PSMD14: variants seen among roughly 807,000 people sequenced by gnomAD.
PSMD14 encodes ubiquitin C-terminal hydrolase PSMD14.
PSMD14 carries 7 observed loss-of-function variants against 41.2 expected under a neutral mutation model. The observed-to-expected ratio is 0.17, with a 90% CI of 0.10 to 0.32. The LOEUF is 0.32. Among genes scored for constraint, PSMD14 ranks in the 10% least tolerant of loss-of-function variants. The probability of loss-of-function intolerance (pLI) is 1.00; values close to 1 mark genes in which losing one functional copy is unlikely to be tolerated. For missense variants in PSMD14, 139 were observed against 375.6 expected, an observed-to-expected ratio of 0.37 and a Z score of 5.21; for synonymous variants, 114 against 122.3, an observed-to-expected ratio of 0.93 and a Z score of 0.45.
intron 7 of PSMD14, chr2:161,384,442 C>T (rs1683608140): frequency 6.6e-6 from 1 of 151,582 alleles, no homozygotes; most frequent in South Asian, 2.1e-4. Flanking sequence ...CTCTTAATAT[C>T]CTCAAGTAAT....
intron 10 of PSMD14, among the ~76,000 whole-genome samples, chr2:161,396,616 CAGGAATGTG>C (rs1203314634): frequency 6.6e-6 from 1 of 151,868 alleles, no homozygotes; most frequent in African/African-American, 2.4e-5. Flanking sequence ...TTGTGGTTAC[CAGGAATGTG>C]AGGTTTGGGT....
At chr2:161,345,680 T>C (rs899153662) in intron 3 of PSMD14, among the ~76,000 whole-genome samples, 2 of 152,236 alleles carry the variant, frequency 1.3e-5, no homozygotes, top group Non-Finnish European at 2.9e-5. Context: ...TTGAACTTCA[T>C]GTGTCCGAAG....
intron 3 of PSMD14, among the ~76,000 whole-genome samples, chr2:161,320,102 A>G (rs969979724): frequency 3.9e-5 from 6 of 152,158 alleles, no homozygotes; most frequent in African/African-American, 1.2e-4. Flanking sequence ...GAATTTCTCT[A>G]ATTTATTCTG....
chr2:161,355,832 G>A (rs149296686), intron 3 of PSMD14, among the ~76,000 whole-genome samples: 105 of 152,270 alleles, frequency 6.9e-4, no homozygotes, highest in African/African-American at 2.5e-3. Context: ...TGTTGGATCC[G>A]CAAACAGAAA....
chr2:161,323,808 G>A (rs1682653596), intron 3 of PSMD14, among the ~76,000 whole-genome samples: 1 of 152,154 alleles, frequency 6.6e-6, no homozygotes, highest in Admixed American at 6.6e-5. Context: ...TAAGGTAACA[G>A]CTTTAAATTT....
intron 3 of PSMD14, among the ~76,000 whole-genome samples, chr2:161,348,075 A>G (rs1272290395): frequency 1.3e-5 from 2 of 152,236 alleles, no homozygotes; most frequent in Non-Finnish European, 2.9e-5. Context: ...AAACATGTAT[A>G]TGCTAGTGAG....
intron 3 of PSMD14, among the ~76,000 whole-genome samples, chr2:161,365,060 C>A (rs1314149455): frequency 6.6e-6 from 1 of 152,094 alleles, no homozygotes; most frequent in Non-Finnish European, 1.5e-5. Flanking sequence ...GAGCCAAGAT[C>A]GCGCCATTGC....
intron 7 of PSMD14, among the ~76,000 whole-genome samples, chr2:161,379,321 C>T (rs568218661): frequency 6.6e-6 from 1 of 152,072 alleles, no homozygotes; most frequent in African/African-American, 2.4e-5. Flanking sequence ...CAATTTTAAG[C>T]TCACTGTTTA....
chr2:161,392,641 T>C (rs1166706672), intron 9 of PSMD14, among the ~76,000 whole-genome samples: 3 of 152,148 alleles, frequency 2.0e-5, no homozygotes, highest in Non-Finnish European at 4.4e-5. Flanking sequence ...TGCTTGAGCA[T>C]GTGATGAGTG....
At chr2:161,389,911 T>C (rs867683858) in intron 8 of PSMD14, among the ~76,000 whole-genome samples, 54 of 134,986 alleles carry the variant, frequency 4.0e-4, no homozygotes, top group African/African-American at 1.4e-3. Context: ...TTTTTTTTTT[T>C]TAGAGATGGG....
At chr2:161,367,314 A>G (rs1216583514) in intron 3 of PSMD14, among the ~76,000 whole-genome samples, 164 bp from the exon 4 acceptor site, 3 of 152,220 alleles carry the variant, frequency 2.0e-5, no homozygotes. Context: ...TACAGGTTTG[A>G]TATTTGCAAA....
chr2:161,411,560 T>G lies in PSMD14; in HGVS notation c.*160T>G, dbSNP rs78317453. On this transcript the variant is annotated 3_prime_UTR_variant, in exon 12 of 12. Coordinates refer to ENST00000409682, the MANE Select transcript of PSMD14 (RefSeq NM_005805.6). The stretch of plus-strand genomic sequence containing the variant: ...CCTTCAGTCTCAGTTGTGCAATTAC[T>G]TCTGTTTCTTTAGTCAGGGTCTTTG... 5.4e-5 allele frequency: 22 copies of G among 405,580 alleles called. No homozygotes were observed. In the East Asian group the frequency reaches 8.4e-4, roughly 15 times the overall value. 25.1% of individuals were successfully genotyped at this position (405,580 alleles called of 1,614,324 possible).
chr2:161,341,497 T>C (rs1253679258), intron 3 of PSMD14, among the ~76,000 whole-genome samples: 2 of 152,002 alleles, frequency 1.3e-5, no homozygotes, highest in East Asian at 3.9e-4. Context: ...CTTTTTATCT[T>C]CTTAACACTT....
rs1574133536 is a variant in PSMD14 at position 161,371,404 on chromosome 2, A to G, written c.462+82A>G. ...TTAAATAAAAATCAATTTTGTTCAA[A>G]GCAGGATTCTTAATTACACAGAAAG... On this transcript the variant is annotated intron_variant, in intron 7 of 11. Coordinates refer to ENST00000409682, the MANE Select transcript of PSMD14 (RefSeq NM_005805.6). The G allele has an allele frequency of 5.0e-6, 7 of 1,400,530 alleles. No homozygotes were observed. In the East Asian group the frequency reaches 1.8e-4, roughly 35 times the overall value. The allele number at this position is 1,400,530 out of a possible 1,614,324, so 86.8% of individuals were successfully genotyped here.
At chr2:161,391,055 T>C (rs1341040761) in intron 8 of PSMD14, 49 bp from the exon 9 acceptor site, 27 of 1,392,478 alleles carry the variant, frequency 1.9e-5, no homozygotes, top group Non-Finnish European at 2.6e-5. Flanking sequence ...ACATTTTTAT[T>C]AGGTGAAAAA....
At chr2:161,324,199 T>C (rs138328565) in intron 3 of PSMD14, among the ~76,000 whole-genome samples, 98 of 152,352 alleles carry the variant, frequency 6.4e-4, no homozygotes, top group African/African-American at 2.2e-3. Flanking sequence ...AGGTATTATA[T>C]ACTATAACGA....
chr2:161,404,817 C>T (rs1381749520), intron 10 of PSMD14, among the ~76,000 whole-genome samples: 1 of 152,168 alleles, frequency 6.6e-6, no homozygotes, highest in Non-Finnish European at 1.5e-5. Context: ...GTTCCCCTGA[C>T]TTTTTGGCAA....
chr2:161,341,238 C>G (rs1682955306), intron 3 of PSMD14: 1 of 990,620 alleles, frequency 1.0e-6, no homozygotes, highest in African/African-American at 1.8e-5. Flanking sequence ...CGCGGCCGCC[C>G]CACGCCGCAC....
intron 3 of PSMD14, among the ~76,000 whole-genome samples, chr2:161,362,416 T>A (rs1683301852): frequency 6.6e-6 from 1 of 152,230 alleles, no homozygotes; most frequent in African/African-American, 2.4e-5. Context: ...TATATCTTTT[T>A]AACTGCATTC....
Sources: allele counts gnomAD v4.1 joint callset (sites outside exome capture counted in the v4.1 genomes callset), GRCh38; gene constraint gnomAD v4.1.1; transcripts MANE v1.5; gene names NCBI Gene and HGNC (gene_info 2026-07-23, HGNC 2026-07-21).